The following ADARB2 variants were observed in gnomAD, a reference collection of about 807,000 sequenced individuals.
The protein encoded by ADARB2 is inactive double-stranded RNA-specific editase B2.
A neutral mutation model predicts 62.2 loss-of-function variants in ADARB2; 25 were observed. The observed-to-expected ratio is 0.40, with a 90% CI of 0.29 to 0.56. The LOEUF (loss-of-function observed/expected upper bound fraction) is 0.56, where lower values mean the gene tolerates loss of function less well. ADARB2 is among the 20% of genes least tolerant of loss of function. The pLI is 0.43. For synonymous variants in ADARB2, 572 were observed against 500.8 expected, an observed-to-expected ratio of 1.14 and a Z score of -1.90; for missense variants, 1,071 against 1,077.4, an observed-to-expected ratio of 0.99 and a Z score of 0.08.
chr10:1,489,846 C>G (rs1336994567), intron 1 of ADARB2, among the ~76,000 whole-genome samples: 2 of 152,102 alleles, frequency 1.3e-5, no homozygotes, highest in African/African-American at 2.4e-5. Context: ...TTGGGTGTCT[C>G]TCTTGGGTGA....
chr10:1,266,837 A>G (rs1413743756), intron 4 of ADARB2, among the ~76,000 whole-genome samples: 1 of 152,200 alleles, frequency 6.6e-6, no homozygotes, highest in Admixed American at 6.5e-5. Flanking sequence ...CCCTTGAAAA[A>G]GGAAGAATGG....
chr10:1,447,547 AT>A lies in ADARB2; in HGVS notation c.101-68388del, dbSNP rs5782580. Among the ~76,000 whole-genome samples the A allele has an allele frequency of 4.2e-3, 632 of 149,434 alleles. 1 individual carries two copies. Among genetic ancestry groups the A allele is most frequent in the Non-Finnish European group, 6.3e-3 (419 of 67,016 alleles). On this transcript the variant is annotated intron_variant, in intron 1 of 9. Transcript: ENST00000381312. ...TTTGAGTGAAGACAGATCATATGTAATTTTTTTTTTGTGTTTGTTTTGTTTG... is the reference window on the plus strand; with the variant it reads ...TTTGAGTGAAGACAGATCATATGTAATTTTTTTTTGTGTTTGTTTTGTTTG...
At chr10:1,231,798 AAGC>A (rs1374177477) in intron 6 of ADARB2, among the ~76,000 whole-genome samples, 1 of 152,188 alleles carries the variant, frequency 6.6e-6, no homozygotes, top group Non-Finnish European at 1.5e-5. Flanking sequence ...CCCAAAGGGA[AAGC>A]AGTGGGGCTG....
chr10:1,449,018 G>A (rs1831004811), intron 1 of ADARB2, among the ~76,000 whole-genome samples: 1 of 152,188 alleles, frequency 6.6e-6, no homozygotes, highest in Non-Finnish European at 1.5e-5. Context: ...AGTTCGGGGA[G>A]AAAAGGGTTC....
chr10:1,617,457 T>C (rs1833655518), intron 1 of ADARB2, among the ~76,000 whole-genome samples: 1 of 96,832 alleles, frequency 1.0e-5, no homozygotes, highest in Non-Finnish European at 2.2e-5. Flanking sequence ...AGGGTTGCAT[T>C]CTGTCGCTAG....
chr10:1,465,665 G>A (rs756509315), intron 1 of ADARB2, among the ~76,000 whole-genome samples: 4 of 152,208 alleles, frequency 2.6e-5, no homozygotes, highest in Admixed American at 1.3e-4. Context: ...AGTGAAAAAC[G>A]CAACTTGGGT....
intron 6 of ADARB2, among the ~76,000 whole-genome samples, chr10:1,232,595 T>TGC (rs1830818084): frequency 3.9e-5 from 5 of 127,322 alleles, no homozygotes. Context: ...GCATGTGGTA[T>TGC]ATGTGGTATG....
At chr10:1,638,514 T>G (rs1197969560) in intron 1 of ADARB2, among the ~76,000 whole-genome samples, 3 of 152,054 alleles carry the variant, frequency 2.0e-5, no homozygotes, top group African/African-American at 7.2e-5. Flanking sequence ...AGGTTTTTTT[T>G]TTTGGTCAGG....
At position 1,289,229 on chromosome 10, in the gene ADARB2, G is replaced by A. The variant is rs754845435; in HGVS notation, c.1078-18160C>T. 2.8e-4 allele frequency among the ~76,000 whole-genome samples: 42 copies of A among 152,284 alleles called. 1 individual carries two copies. The South Asian group carries it at 3.9e-3, about 14-fold the overall frequency. Reference sequence around the variant, plus strand: ...AGAAAAATGTTATGACCTGGAAGCCGCTGCTTTGAGTTGTCCCGTCTTTCC... The same window carrying A: ...AGAAAAATGTTATGACCTGGAAGCCACTGCTTTGAGTTGTCCCGTCTTTCC... On this transcript the variant is annotated intron_variant, in intron 3 of 9. Transcript: ENST00000381312.
At chr10:1,349,720 T>C (rs1832116176) in intron 3 of ADARB2, among the ~76,000 whole-genome samples, 1 of 152,182 alleles carries the variant, frequency 6.6e-6, no homozygotes, top group Non-Finnish European at 1.5e-5. Flanking sequence ...ACACATTTTA[T>C]CCATTGACCC....
At chr10:1,191,056 C>A (rs1180369366) in intron 8 of ADARB2, among the ~76,000 whole-genome samples, 1 of 150,548 alleles carries the variant, frequency 6.6e-6, no homozygotes, top group Non-Finnish European at 1.5e-5. Context: ...ACACTCTGGG[C>A]CCCACACTGA....
chr10:1,183,392 G>A, intron 9 of ADARB2, 23 bp from the exon 10 acceptor site: 1 of 1,598,864 alleles, frequency 6.3e-7, no homozygotes, highest in Non-Finnish European at 8.6e-7. Context: ...AGGAGAAAGA[G>A]CCAATCAGAC....
At chr10:1,378,470 C>G (rs1832453268) in intron 2 of ADARB2, among the ~76,000 whole-genome samples, 1 of 152,220 alleles carries the variant, frequency 6.6e-6, no homozygotes, top group Admixed American at 6.5e-5. Flanking sequence ...AATAATTTCT[C>G]AGTCCCAGAG....
intron 1 of ADARB2, among the ~76,000 whole-genome samples, chr10:1,432,244 C>T (rs1045527132): frequency 3.9e-5 from 6 of 152,016 alleles, no homozygotes; most frequent in Admixed American, 3.3e-4. Context: ...AGAAACATAG[C>T]TCTCAGGGTG....
chr10:1,638,040 G>T (rs1266459957), intron 1 of ADARB2, among the ~76,000 whole-genome samples: 1 of 152,196 alleles, frequency 6.6e-6, no homozygotes, highest in East Asian at 1.9e-4. Context: ...GGGAGGAGAT[G>T]CTCCAGGCTG....
At chr10:1,444,012 C>CCCATCCATCCATCCACCCATCCATCCAT (rs1564290430) in intron 1 of ADARB2, among the ~76,000 whole-genome samples, 1 of 150,544 alleles carries the variant, frequency 6.6e-6, no homozygotes, top group African/African-American at 2.4e-5. Flanking sequence ...TGTCCATCCA[C>CCCATCCATCCATCCACCCATCCATCCAT]CCATCCATCC....
At chr10:1,596,374 A>G (rs1176153501) in intron 1 of ADARB2, among the ~76,000 whole-genome samples, 1 of 152,206 alleles carries the variant, frequency 6.6e-6, no homozygotes, top group Non-Finnish European at 1.5e-5. Context: ...ATGAAGAGGG[A>G]TCCTTTTGGC....
intron 3 of ADARB2, among the ~76,000 whole-genome samples, chr10:1,334,524 A>G (rs754377736): frequency 2.0e-5 from 3 of 152,250 alleles, no homozygotes; most frequent in South Asian, 2.1e-4. Flanking sequence ...ATATGTGTAC[A>G]TATATATAAA....
intron 1 of ADARB2, among the ~76,000 whole-genome samples, chr10:1,579,508 G>A (rs747069913): frequency 4.6e-5 from 7 of 152,160 alleles, no homozygotes; most frequent in African/African-American, 1.2e-4. Flanking sequence ...GGAAACAGGC[G>A]CTCAATGAAA....
Sources: gnomAD v4.1 joint callset for allele counts (sites outside exome capture counted in the v4.1 genomes callset) on GRCh38, gnomAD v4.1.1 for gene constraint, MANE v1.5 for transcripts, NCBI Gene and HGNC (gene_info 2026-07-23, HGNC 2026-07-21) for gene names.